SNAP91: variants seen among roughly 807,000 people sequenced by gnomAD.
SNAP91 encodes clathrin coat assembly protein AP180.
A neutral mutation model predicts 100.3 loss-of-function variants in SNAP91; 27 were observed. The ratio of observed to expected loss-of-function variants is 0.27; its 90% CI spans 0.20 to 0.37. The LOEUF is 0.37. SNAP91 is among the 10% of genes least tolerant of loss of function. The pLI is 1.00. For missense variants in SNAP91, 986 were observed against 1,123.7 expected (o/e 0.88, Z 1.75); for synonymous variants, 404 against 398.6 (o/e 1.01, Z -0.16).
intron 12 of SNAP91, among the ~76,000 whole-genome samples, chr6:83,610,270 C>T (rs961057262): frequency 2.0e-5 from 3 of 151,898 alleles, no homozygotes; most frequent in African/African-American, 7.2e-5. Context: ...GAATATAATT[C>T]GGCCTTCAAA....
At position 83,601,699 on chromosome 6, in the gene SNAP91, A is replaced by C. The variant is rs566492696; in HGVS notation, c.1142-100T>G. ...CAAGCCAGATAAGGCACTAACTAAA[A>C]AAACCTTAGCTTTATGTGTCTTCTA... On this transcript the variant is annotated intron_variant, in intron 14 of 29. Coordinates refer to ENST00000369694, the MANE Select transcript of SNAP91 (RefSeq NM_001242792.2). The C allele has an allele frequency of 5.1e-5, 56 of 1,103,664 alleles. No individual in the cohort carries two copies. In the Admixed American group the frequency reaches 6.9e-4, roughly 14 times the overall value. 68.4% of individuals were successfully genotyped at this position (1,103,664 alleles called of 1,614,324 possible).
At chr6:83,601,644 A>G in intron 14 of SNAP91, 45 bp from the exon 15 acceptor site, 1 of 1,599,504 alleles carries the variant, frequency 6.3e-7, no homozygotes, top group East Asian at 2.2e-5. Context: ...AATAAGAGCT[A>G]AAGTTGAAAC....
intron 26 of SNAP91, among the ~76,000 whole-genome samples, chr6:83,568,585 G>A (rs966010219): frequency 2.0e-5 from 3 of 152,094 alleles, no homozygotes; most frequent in African/African-American, 7.2e-5. Context: ...TGGCCATGAT[G>A]ACAGAGCCCT....
At chr6:83,650,496 G>A (rs764039057) in intron 7 of SNAP91, among the ~76,000 whole-genome samples, 1 of 152,152 alleles carries the variant, frequency 6.6e-6, no homozygotes, top group Admixed American at 6.5e-5. Flanking sequence ...TCAGCTCACT[G>A]CAACCTCCAC....
intron 5 of SNAP91, among the ~76,000 whole-genome samples, chr6:83,661,142 T>C (rs1245699851): frequency 6.6e-6 from 1 of 152,208 alleles, no homozygotes; most frequent in African/African-American, 2.4e-5. Flanking sequence ...TACTTTTAAG[T>C]GAATCTTGTC....
In SNAP91 at chr6:83,592,459, A is replaced by G; in HGVS notation, c.1926T>C (p.Phe642=). 1 of 1,607,778 alleles carries G rather than the reference A, an allele frequency of 6.2e-7. No individual in the cohort carries two copies. The highest frequency in any genetic ancestry group is 8.5e-7 in the Non-Finnish European group (1 of 1,176,160). ...TGATGGAGGAGAAATACGCACCCCC[A>G]AAAAGGTCTATGACACCTGAAGAAT... ...KVDSSGVIDL[F]GDAFGSSASE... is the part of the protein sequence containing the mutation. The change falls in exon 21 of 30, where the codon TTT becomes TTC. Residue 642 remains phenylalanine (F), a synonymous_variant. Coordinates refer to ENST00000369694, the MANE Select transcript of SNAP91 (RefSeq NM_001242792.2).
chr6:83,675,827 A>AACACACACACACACACACACACACACAC (rs373927158), intron 2 of SNAP91, among the ~76,000 whole-genome samples: 4 of 138,196 alleles, frequency 2.9e-5, no homozygotes, highest in Non-Finnish European at 6.2e-5. Flanking sequence ...CACTTGAAGG[A>AACACACACACACACACACACACACACAC]ACACACACAC....
intron 2 of SNAP91, among the ~76,000 whole-genome samples, 160 bp downstream of exon 2, chr6:83,707,638 C>T (rs2099398311): frequency 6.6e-6 from 1 of 151,684 alleles, no homozygotes; most frequent in African/African-American, 2.4e-5. Context: ...CATGGCTAAC[C>T]CAAGGGAACA....
At chr6:83,592,392 G>T in intron 21 of SNAP91, 63 bp downstream of exon 21, 1 of 1,117,504 alleles carries the variant, frequency 8.9e-7, no homozygotes, top group Non-Finnish European at 1.3e-6. Context: ...TAATAAAATA[G>T]ATTTAAAAAT....
rs202213368 is a variant in SNAP91, at chr6:83,573,824, T to A, written c.2442+1186A>T. ...ATTCAAGATGGATTAAAGACTTAAATGTTAGACCTAAAACCATAAAAATCC... is the reference window on the plus strand; with the variant it reads ...ATTCAAGATGGATTAAAGACTTAAAAGTTAGACCTAAAACCATAAAAATCC... On this transcript the variant is annotated intron_variant, in intron 26 of 29. Transcript: ENST00000369694. 7.6e-3 allele frequency among the ~76,000 whole-genome samples: 1,152 copies of A among 152,258 alleles called. 33 individuals carry two copies. In the East Asian group the frequency reaches 0.084, roughly 11 times the overall value.
At chr6:83,567,256 A>C (rs1797994119) in intron 26 of SNAP91, among the ~76,000 whole-genome samples, 1 of 152,182 alleles carries the variant, frequency 6.6e-6, no homozygotes, top group Non-Finnish European at 1.5e-5. Flanking sequence ...TTTTGTCTAA[A>C]GCTTTTCTTT....
intron 22 of SNAP91, among the ~76,000 whole-genome samples, chr6:83,589,818 T>C (rs936924732): frequency 2.0e-5 from 3 of 152,216 alleles, no homozygotes; most frequent in African/African-American, 4.8e-5. Flanking sequence ...CTCTGAAGGC[T>C]GATGAGGGTC....
chr6:83,662,668 T>A (rs2098572140), intron 3 of SNAP91, among the ~76,000 whole-genome samples: 1 of 152,122 alleles, frequency 6.6e-6, no homozygotes, highest in Admixed American at 6.6e-5. Flanking sequence ...TCAGTAGGCA[T>A]CCTACATAAA....
At chr6:83,684,933 G>A (rs1309624714) in intron 2 of SNAP91, among the ~76,000 whole-genome samples, 1 of 152,152 alleles carries the variant, frequency 6.6e-6, no homozygotes, top group Non-Finnish European at 1.5e-5. Flanking sequence ...CAAGATCTGT[G>A]CCTCTTTCCT....
Position 83,605,718 on chromosome 6 carries a change from G to C in SNAP91, c.1108C>G (p.Pro370Ala). The C allele has an allele frequency of 1.3e-6, 2 of 1,552,318 alleles. No individual in the cohort carries two copies. The highest frequency in any genetic ancestry group is 8.7e-7 in the Non-Finnish European group (1 of 1,147,318). ...GCAGTGGCTCCTCCAGCAGGTGGTG[G>C]TGGTGCTGGTGCTGCGGCTGCTGCT... Reference protein sequence around the residue: ...GAAAAAAPAPPPPAGGATAWG... With the variant: ...GAAAAAAPAPAPPAGGATAWG... The change falls in exon 14 of 30, where the codon CCA becomes GCA. Residue 370 changes from proline to alanine, a missense_variant. Around this residue, in one of 4 missense-constraint regions of SNAP91, gnomAD observed 575 missense variants for 579.9 expected, o/e 0.99. Transcript: ENST00000369694.
intron 7 of SNAP91, among the ~76,000 whole-genome samples, chr6:83,646,843 T>C: frequency 6.6e-6 from 1 of 152,180 alleles, no homozygotes; most frequent in East Asian, 1.9e-4. Context: ...TCTCCATTTA[T>C]TAGTTGTTTG....
chr6:83,601,536 C>T (rs2095225351), intron 15 of SNAP91, 49 bp downstream of exon 15: 1 of 1,611,812 alleles, frequency 6.2e-7, no homozygotes, highest in Non-Finnish European at 8.5e-7. Context: ...ACAGTTGTTA[C>T]ATACAGAAGT....
chr6:83,633,838 TC>T (rs2097311036), intron 8 of SNAP91, among the ~76,000 whole-genome samples: 1 of 151,690 alleles, frequency 6.6e-6, no homozygotes, highest in Admixed American at 6.6e-5. Context: ...CTTTTCTTCT[TC>T]CCCTGCCTGT....
chr6:83,601,182 T>C (rs2095168777), intron 16 of SNAP91, 89 bp downstream of exon 16: 4 of 1,189,980 alleles, frequency 3.4e-6, no homozygotes, highest in Non-Finnish European at 4.8e-6. Flanking sequence ...TGACATGCTG[T>C]TACATAACGG....
Sources: gnomAD v4.1 joint callset for allele counts (sites outside exome capture counted in the v4.1 genomes callset) on GRCh38, gnomAD v4.1.1 for gene constraint, gnomAD v4.1.1 regional missense constraint, MANE v1.5 for transcripts, NCBI Gene and HGNC (gene_info 2026-07-23, HGNC 2026-07-21) for gene names.